The following DTD1 variants were observed in gnomAD, a reference collection of about 807,000 sequenced individuals.
DTD1 encodes D-aminoacyl-tRNA deacylase 1, also known as D-tyrosyl-tRNA deacylase 1 homolog.
In DTD1, 13 loss-of-function variants were observed where a neutral mutation model predicts 25.6. The observed-to-expected ratio is 0.51, with a 90% CI of 0.33 to 0.81. The LOEUF is 0.81. Ranked by LOEUF, DTD1 falls within the 30% of genes least tolerant of loss-of-function variation. DTD1 has a pLI of 0.02. For missense variants in DTD1, 193 were observed against 266.4 expected, an observed-to-expected ratio of 0.72 and a Z score of 1.92; for synonymous variants, 110 against 103.6, an observed-to-expected ratio of 1.06 and a Z score of -0.37.
chr20:18,634,138 G>A (rs2060798676), intron 4 of DTD1, among the ~76,000 whole-genome samples: 1 of 152,174 alleles, frequency 6.6e-6, no homozygotes, highest in African/African-American at 2.4e-5. Context: ...ATGATTGCTG[G>A]TGCATGAGCT....
At chr20:18,590,619 C>T (rs928307135) in intron 1 of DTD1, among the ~76,000 whole-genome samples, 6 of 151,992 alleles carry the variant, frequency 3.9e-5, no homozygotes, top group African/African-American at 1.5e-4. Context: ...TACAGGTGCG[C>T]GCCACTGTGC....
At chr20:18,622,321 C>G (rs2060737946) in intron 3 of DTD1, among the ~76,000 whole-genome samples, 1 of 152,040 alleles carries the variant, frequency 6.6e-6, no homozygotes, top group Non-Finnish European at 1.5e-5. Flanking sequence ...CTTATGACAT[C>G]TTTTTAAATA....
intron 3 of DTD1, 125 bp from the exon 4 acceptor site, chr20:18,628,002 T>A: frequency 1.3e-6 from 1 of 777,312 alleles, no homozygotes; most frequent in South Asian, 2.1e-5. Flanking sequence ...ACCTCTTTCT[T>A]TTGTAAGTTT....
At chr20:18,635,340 T>G (rs991086793) in intron 4 of DTD1, among the ~76,000 whole-genome samples, 7 of 152,254 alleles carry the variant, frequency 4.6e-5, no homozygotes, top group African/African-American at 1.7e-4. Context: ...GTGCAGTCTT[T>G]GTCAGTGACG....
intron 4 of DTD1, among the ~76,000 whole-genome samples, chr20:18,649,583 C>T (rs575763675): frequency 7.9e-5 from 12 of 152,082 alleles, no homozygotes; most frequent in East Asian, 7.8e-4. Context: ...GTGATCCGCC[C>T]GCCTTGGCCT....
At chr20:18,631,362 T>A in intron 4 of DTD1, 1 of 985,496 alleles carries the variant, frequency 1.0e-6, no homozygotes, top group Non-Finnish European at 1.2e-6. Flanking sequence ...GTGTGACTGC[T>A]CGGCTGTGGG....
At chr20:18,723,477 G>A (rs553929174) in intron 4 of DTD1, among the ~76,000 whole-genome samples, 20 of 152,356 alleles carry the variant, frequency 1.3e-4, no homozygotes, top group African/African-American at 4.8e-4. Context: ...AAGCAGGAAT[G>A]TTCCAAGGAA....
At chr20:18,722,026 A>G (rs534080342) in intron 4 of DTD1, among the ~76,000 whole-genome samples, 7 of 152,174 alleles carry the variant, frequency 4.6e-5, no homozygotes, top group African/African-American at 9.7e-5. Context: ...TCTGACCCAC[A>G]TAGGTTAGCC....
At chr20:18,679,915 A>G in intron 4 of DTD1, among the ~76,000 whole-genome samples, 1 of 152,202 alleles carries the variant, frequency 6.6e-6, no homozygotes, top group East Asian at 1.9e-4. Context: ...GGGATGCAGT[A>G]ACAGCTGGAA....
chr20:18,613,461 G>A (rs2060696296), intron 3 of DTD1, among the ~76,000 whole-genome samples: 1 of 152,204 alleles, frequency 6.6e-6, no homozygotes, highest in Non-Finnish European at 1.5e-5. Context: ...TTGGAAGGCA[G>A]TAGGCACTTG....
At chr20:18,746,780 C>G (rs2061302151) in intron 5 of DTD1, among the ~76,000 whole-genome samples, 1 of 152,118 alleles carries the variant, frequency 6.6e-6, no homozygotes, top group African/African-American at 2.4e-5. Context: ...ACGAGAGGAA[C>G]AGAATGGAGA....
intron 4 of DTD1, among the ~76,000 whole-genome samples, chr20:18,738,752 G>A (rs933468343): frequency 6.6e-6 from 1 of 152,214 alleles, no homozygotes; most frequent in African/African-American, 2.4e-5. Flanking sequence ...CCAGCAGGGA[G>A]GGAGGAAGGG....
chr20:18,610,540 G>GT (rs777930701), intron 3 of DTD1, among the ~76,000 whole-genome samples: 8 of 152,204 alleles, frequency 5.3e-5, no homozygotes, highest in Non-Finnish European at 1.0e-4. Context: ...ATTATACACA[G>GT]TTTTTTAAAA....
At chr20:18,758,987 T>C (rs899248398) in intron 5 of DTD1, among the ~76,000 whole-genome samples, 2 of 152,258 alleles carry the variant, frequency 1.3e-5, no homozygotes, top group Non-Finnish European at 2.9e-5. Context: ...TACCATTATG[T>C]AATGGCCTTC....
Position 18,651,396 on chromosome 20 carries a change from C to T in DTD1, c.477+23163C>T, listed in dbSNP as rs549353598. ...GAACTCCCGACCTCAGGCAATCTGC[C>T]CGTCTCCGCCTCCCAAAGTGCTGGG... On this transcript the variant is annotated intron_variant, in intron 4 of 5. Coordinates refer to ENST00000377452, the MANE Select transcript of DTD1 (RefSeq NM_080820.6). Among the ~76,000 whole-genome samples the T allele has an allele frequency of 3.7e-3, 565 of 152,328 alleles. 3 individuals carry two copies. The highest frequency in any genetic ancestry group is 0.013 in the African/African-American group (547 of 41,576).
intron 1 of DTD1, among the ~76,000 whole-genome samples, chr20:18,589,338 G>A (rs1056442266): frequency 4.6e-5 from 7 of 151,832 alleles, no homozygotes; most frequent in South Asian, 2.1e-4. Flanking sequence ...GCGACAGAGC[G>A]AGACTCTGTC....
chr20:18,596,389 TTGC>T, intron 3 of DTD1, 148 bp downstream of exon 3: 1 of 661,616 alleles, frequency 1.5e-6, no homozygotes, highest in South Asian at 1.9e-5. Context: ...GCTGCTGCTA[TTGC>T]TGCTGTTGTA....
chr20:18,667,611 A>G (rs1440900557), intron 4 of DTD1, among the ~76,000 whole-genome samples: 1 of 152,210 alleles, frequency 6.6e-6, no homozygotes, highest in Non-Finnish European at 1.5e-5. Context: ...TTGTTGATCC[A>G]ATGAAGGCAT....
chr20:18,619,962 AT>A (rs2060726701), intron 3 of DTD1: 1 of 152,044 alleles, frequency 6.6e-6, no homozygotes, highest in African/African-American at 2.4e-5. Context: ...TTTATTTATT[AT>A]TTTTAGTTTT....
Sources: allele counts gnomAD v4.1 joint callset (sites outside exome capture counted in the v4.1 genomes callset), GRCh38; gene constraint gnomAD v4.1.1; transcripts MANE v1.5; gene names NCBI Gene and HGNC (gene_info 2026-07-23, HGNC 2026-07-21).